MOCOS: variants seen among roughly 807,000 people sequenced by gnomAD.
The protein encoded by MOCOS is human molybdenum cofactor sulfurase.
Under a neutral mutation model 83.6 loss-of-function variants are expected in MOCOS, and 86 were observed. That is an observed-to-expected ratio of 1.03 (90% CI 0.86 to 1.23). The LOEUF is 1.23. Ranked by LOEUF, MOCOS falls within the 50% of genes most tolerant of loss-of-function variation. The pLI, the probability that MOCOS is intolerant of heterozygous loss-of-function variation, is 0.00. For missense variants in MOCOS, 1,120 were observed against 1,126.9 expected (o/e 0.99, Z 0.09); for synonymous variants, 445 against 434.7 (o/e 1.02, Z -0.29).
chr18:36,247,687 T>C lies in MOCOS; in HGVS notation c.1961-1235T>C, dbSNP rs887454140. On this transcript the variant is annotated intron_variant, in intron 9 of 14. Coordinates refer to ENST00000261326, the MANE Select transcript of MOCOS (RefSeq NM_017947.4). ...TCATCTGGATTTTCAGGTTCCCCAA[T>C]GGGGATGTGTGTTCGGAGACCAACT... Among the ~76,000 whole-genome samples the C allele has an allele frequency of 2.6e-5, 4 of 151,908 alleles. No homozygotes were observed. The East Asian group carries it at 5.8e-4, about 22-fold the overall frequency.
intron 1 of MOCOS, among the ~76,000 whole-genome samples, chr18:36,193,168 G>A (rs190707670): frequency 0.14 from 19,867 of 146,586 alleles, 1,492 homozygotes; most frequent in East Asian, 0.3. Flanking sequence ...AAAATTAGCC[G>A]GGCGCGGTGG....
At chr18:36,213,096 C>T (rs1460138125) in intron 6 of MOCOS, among the ~76,000 whole-genome samples, 6 of 152,210 alleles carry the variant, frequency 3.9e-5, no homozygotes, top group Admixed American at 6.5e-5. Context: ...GTCCAGGCTG[C>T]GAGCTGAGGC....
At chr18:36,225,811 T>C (rs2091513101) in intron 9 of MOCOS, among the ~76,000 whole-genome samples, 1 of 152,132 alleles carries the variant, frequency 6.6e-6, no homozygotes, top group Admixed American at 6.5e-5. Flanking sequence ...CATTTAAGAG[T>C]GTGTTGTTTC....
In MOCOS at chr18:36,193,317, C is replaced by CAAAAA. The variant is rs555145311; in HGVS notation, c.143-1906_143-1902dup. Among the ~76,000 whole-genome samples the CAAAAA allele has an allele frequency of 2.1e-3, 82 of 38,310 alleles. 19 individuals are homozygous for CAAAAA. The highest frequency in any genetic ancestry group is 2.8e-3 in the Non-Finnish European group (63 of 22,626). 25.1% of individuals were successfully genotyped at this position (38,310 alleles called of 152,430 possible). A position where few individuals can be genotyped will look rare whatever the true frequency, so the allele number is the denominator to read the frequency against. ...TGGGCGACAGAGCGAGACTCCGTCT[C>CAAAAA]AAAAAAAAAAAAAAAAAAAAAAAAA... On this transcript the variant is annotated intron_variant, in intron 1 of 14. Coordinates refer to ENST00000261326, the MANE Select transcript of MOCOS (RefSeq NM_017947.4).
intron 4 of MOCOS, among the ~76,000 whole-genome samples, chr18:36,202,646 G>A (rs1049487036): frequency 6.6e-6 from 1 of 152,128 alleles, no homozygotes; most frequent in Non-Finnish European, 1.5e-5. Context: ...AGATTACAGC[G>A]GTATTAGTCC....
intron 8 of MOCOS, among the ~76,000 whole-genome samples, chr18:36,217,262 TATTCTC>T (rs2091479234): frequency 6.6e-6 from 1 of 152,218 alleles, no homozygotes; most frequent in Admixed American, 6.5e-5. Flanking sequence ...TTTTGCAACT[TATTCTC>T]AAATGATTTA....
intron 6 of MOCOS, among the ~76,000 whole-genome samples, chr18:36,208,426 A>G (rs1389505813): frequency 1.3e-5 from 2 of 152,122 alleles, no homozygotes; most frequent in African/African-American, 2.4e-5. Flanking sequence ...GTTCCTATCC[A>G]TGAGTATGGA....
rs1285235795 is a variant in MOCOS at position 36,236,633 on chromosome 18, A to G, written c.1961-12289A>G. 2.2e-5 allele frequency among the ~76,000 whole-genome samples: 3 copies of G among 135,086 alleles called. No homozygotes were observed. In the Admixed American group the frequency reaches 2.3e-4, roughly 10 times the overall value. 88.6% of individuals were successfully genotyped at this position (135,086 alleles called of 152,430 possible). On this transcript the variant is annotated intron_variant, in intron 9 of 14. Transcript: ENST00000261326. Reference sequence around the variant, plus strand: ...AATGCGGGCTCTTTTTTGGTTCCATATGAACTTTAAAGTAGTTTTTTCCAA... The same window carrying G: ...AATGCGGGCTCTTTTTTGGTTCCATGTGAACTTTAAAGTAGTTTTTTCCAA...
At chr18:36,264,185 G>GA (rs762208218) in intron 13 of MOCOS, among the ~76,000 whole-genome samples, 4 of 150,256 alleles carry the variant, frequency 2.7e-5, no homozygotes, top group East Asian at 1.9e-4. Context: ...ACCTCACAAA[G>GA]AAAAAAAAAG....
At chr18:36,234,378 C>G (rs565377307) in intron 9 of MOCOS, among the ~76,000 whole-genome samples, 33 of 152,266 alleles carry the variant, frequency 2.2e-4, no homozygotes, top group African/African-American at 7.2e-4. Flanking sequence ...TATTCTGTTC[C>G]ATTGGTCTGT....
At chr18:36,252,692 C>A (rs939736558) in intron 11 of MOCOS, among the ~76,000 whole-genome samples, 4 of 152,170 alleles carry the variant, frequency 2.6e-5, no homozygotes, top group African/African-American at 9.7e-5. Flanking sequence ...CCAGTGCACT[C>A]CAGCCTGGCT....
rs1201122398 is a variant in MOCOS at position 36,270,903 on chromosome 18, C to T, written c.*2218C>T. 5.9e-5 allele frequency: 9 copies of T among 151,650 alleles called. No homozygotes were observed. The highest frequency in any genetic ancestry group is 2.2e-4 in the African/African-American group (9 of 41,340). The allele number at this position is 151,650 out of a possible 1,614,324, so 9.4% of individuals were successfully genotyped here. A position where few individuals can be genotyped will look rare whatever the true frequency, so the allele number is the denominator to read the frequency against. ...GATCACAGATCATTGCAGCCTTGAC[C>T]TCTTGGGCTCAAGCGATTCCCCTGC... On this transcript the variant is annotated 3_prime_UTR_variant, in exon 15 of 15. Coordinates refer to ENST00000261326, the MANE Select transcript of MOCOS (RefSeq NM_017947.4).
intron 14 of MOCOS, among the ~76,000 whole-genome samples, chr18:36,267,890 C>G (rs1362503451): frequency 6.6e-6 from 1 of 152,142 alleles, no homozygotes; most frequent in Non-Finnish European, 1.5e-5. Context: ...GCACTTTTCA[C>G]CCACATTTGT....
chr18:36,194,442 G>A (rs13381078), intron 1 of MOCOS, among the ~76,000 whole-genome samples: 6,254 of 152,200 alleles, frequency 0.041, 394 homozygotes, highest in African/African-American at 0.13. Context: ...TTTTAAAAGC[G>A]CATTGATGGA....
intron 9 of MOCOS, among the ~76,000 whole-genome samples, chr18:36,242,370 A>C (rs1275236460): frequency 1.3e-5 from 2 of 152,226 alleles, no homozygotes; most frequent in African/African-American, 4.8e-5. Flanking sequence ...CACTGTCCAC[A>C]TCACTATCGG....
chr18:36,254,477 T>TGG (rs1478590763), intron 11 of MOCOS, among the ~76,000 whole-genome samples: 1 of 121,738 alleles, frequency 8.2e-6, no homozygotes, highest in Non-Finnish European at 1.7e-5. Flanking sequence ...TGTGTGTGTG[T>TGG]GTGTGTGTGT....
intron 6 of MOCOS, among the ~76,000 whole-genome samples, chr18:36,210,347 G>A (rs746728598): frequency 6.6e-6 from 1 of 152,134 alleles, no homozygotes; most frequent in Non-Finnish European, 1.5e-5. Context: ...AGCCACAGGT[G>A]GTCTCTTGAG....
chr18:36,254,698 A>G (rs896303092), intron 11 of MOCOS, among the ~76,000 whole-genome samples: 13 of 150,620 alleles, frequency 8.6e-5, no homozygotes, highest in Admixed American at 2.7e-4. Flanking sequence ...TTTCCTTTCC[A>G]TGCCCTCAAC....
At chr18:36,187,811 T>C (rs997284604) in intron 1 of MOCOS, 130 bp downstream of exon 1, 7 of 1,039,074 alleles carry the variant, frequency 6.7e-6, no homozygotes, top group African/African-American at 1.7e-5. Context: ...GAGGGACGTG[T>C]CCACGCGTCC....
Sources: gnomAD v4.1 joint callset for allele counts (sites outside exome capture counted in the v4.1 genomes callset) on GRCh38, gnomAD v4.1.1 for gene constraint, MANE v1.5 for transcripts, NCBI Gene and HGNC (gene_info 2026-07-23, HGNC 2026-07-21) for gene names.